Variants in PGCKA1 observed in about 807,000 individuals in gnomAD.
The protein encoded by PGCKA1 is PDCD10 and GCKIII kinases-associated protein 1.
chr4:37,482,099 G>T, the PGCKA1 span, among the ~76,000 whole-genome samples: 2 of 152,064 alleles, frequency 1.3e-5, no homozygotes, highest in African/African-American at 2.4e-5. Flanking sequence ...ACCCATCTTT[G>T]GTATGTCTTT....
the PGCKA1 span, among the ~76,000 whole-genome samples, chr4:37,485,212 A>G: frequency 6.6e-6 from 1 of 152,048 alleles, no homozygotes; most frequent in Non-Finnish European, 1.5e-5. Context: ...CTGATCAGGT[A>G]TTGTTTATGT....
chr4:37,477,375 G>A, the PGCKA1 span, among the ~76,000 whole-genome samples: 1 of 152,174 alleles, frequency 6.6e-6, no homozygotes, highest in Non-Finnish European at 1.5e-5. Flanking sequence ...ATTGGTGATT[G>A]CCTAAGGCTG....
At chr4:37,503,332 T>A in the PGCKA1 span, among the ~76,000 whole-genome samples, 3 of 152,178 alleles carry the variant, frequency 2.0e-5, no homozygotes, top group Non-Finnish European at 2.9e-5. Context: ...GTGTCTTCCT[T>A]CCAGGCACCC....
At chr4:37,590,460 C>T in the PGCKA1 span, 1 of 1,610,880 alleles carries the variant, frequency 6.2e-7, no homozygotes, top group Non-Finnish European at 8.5e-7. Context: ...CAACTCAACC[C>T]TTCCTGGAAG....
the PGCKA1 span, among the ~76,000 whole-genome samples, chr4:37,577,328 C>A: frequency 6.6e-6 from 1 of 151,990 alleles, no homozygotes; most frequent in African/African-American, 2.4e-5. Flanking sequence ...AGTAATTTAT[C>A]CCTGTTTTCT....
chr4:37,572,172 C>T, the PGCKA1 span, among the ~76,000 whole-genome samples: 2 of 148,482 alleles, frequency 1.3e-5, no homozygotes, highest in African/African-American at 2.5e-5. Flanking sequence ...ACGCCATTCT[C>T]CTGCCTCAGC....
the PGCKA1 span, among the ~76,000 whole-genome samples, chr4:37,539,003 CTA>C: frequency 6.6e-6 from 1 of 152,108 alleles, no homozygotes; most frequent in Admixed American, 6.5e-5. Context: ...CAATGATAAT[CTA>C]TGCATACCCT....
the PGCKA1 span, among the ~76,000 whole-genome samples, chr4:37,495,830 A>T: frequency 2.6e-5 from 4 of 152,238 alleles, no homozygotes; most frequent in Non-Finnish European, 5.9e-5. Context: ...CATTCTGCAC[A>T]TGTATCCCAG....
At chr4:37,591,977 G>A in the PGCKA1 span, among the ~76,000 whole-genome samples, 1 of 152,136 alleles carries the variant, frequency 6.6e-6, no homozygotes, top group Non-Finnish European at 1.5e-5. Flanking sequence ...GGGAGGCCGA[G>A]GCGGGTGGAT....
the PGCKA1 span, among the ~76,000 whole-genome samples, chr4:37,521,487 A>G: frequency 1.3e-5 from 2 of 152,166 alleles, no homozygotes; most frequent in Non-Finnish European, 2.9e-5. Context: ...ATGTATCTGT[A>G]TAGTTTCCAA....
At chr4:37,463,244 A>G in the PGCKA1 span, among the ~76,000 whole-genome samples, 2 of 151,898 alleles carry the variant, frequency 1.3e-5, no homozygotes, top group African/African-American at 4.8e-5. Flanking sequence ...AAGTTGAAAG[A>G]GTTCACATTT....
the PGCKA1 span, chr4:37,453,963 GGCGCGGCTGC>G: frequency 1.3e-5 from 2 of 156,172 alleles, no homozygotes; most frequent in Non-Finnish European, 2.8e-5. Flanking sequence ...AGCGTCTCCC[GGCGCGGCTGC>G]CCGAGGCCGG....
the PGCKA1 span, among the ~76,000 whole-genome samples, chr4:37,468,793 A>G: frequency 6.6e-6 from 1 of 152,140 alleles, no homozygotes; most frequent in Non-Finnish European, 1.5e-5. Flanking sequence ...AGTCTTTCAA[A>G]CCAGTTTTCT....
At chr4:37,583,792 G>A in the PGCKA1 span, among the ~76,000 whole-genome samples, 3 of 152,166 alleles carry the variant, frequency 2.0e-5, no homozygotes, top group African/African-American at 7.2e-5. Context: ...TTTTTCCCCT[G>A]TGTAAACTAA....
At chr4:37,462,004 A>C in the PGCKA1 span, among the ~76,000 whole-genome samples, 1 of 151,962 alleles carries the variant, frequency 6.6e-6, no homozygotes, top group African/African-American at 2.4e-5. Flanking sequence ...TTATCTTTGC[A>C]ATTCTTTGCT....
the PGCKA1 span, among the ~76,000 whole-genome samples, chr4:37,530,239 C>G: frequency 1.3e-5 from 2 of 152,166 alleles, no homozygotes; most frequent in Non-Finnish European, 2.9e-5. Context: ...ATAAATTTAT[C>G]TTCACTTTTT....
At chr4:37,527,033 G>T in the PGCKA1 span, among the ~76,000 whole-genome samples, 1 of 152,024 alleles carries the variant, frequency 6.6e-6, no homozygotes, top group Non-Finnish European at 1.5e-5. Context: ...AATCCTGGCC[G>T]TGCGTAGGCC....
the PGCKA1 span, among the ~76,000 whole-genome samples, chr4:37,584,848 C>A: frequency 6.6e-6 from 1 of 151,978 alleles, no homozygotes; most frequent in Non-Finnish European, 1.5e-5. Context: ...CTTTCTTTCG[C>A]CTTCCCCTGT....
At chr4:37,498,057 T>C in the PGCKA1 span, among the ~76,000 whole-genome samples, 2 of 152,150 alleles carry the variant, frequency 1.3e-5, no homozygotes, top group Admixed American at 1.3e-4. Flanking sequence ...GTTTAAGTCC[T>C]TCATCATCCA....
Sources: allele counts gnomAD v4.1 joint callset (sites outside exome capture counted in the v4.1 genomes callset), GRCh38; gene constraint gnomAD v4.1.1; transcripts MANE v1.5; gene names NCBI Gene and HGNC (gene_info 2026-07-23, HGNC 2026-07-21).